KCNQ5: variants seen among roughly 807,000 people sequenced by gnomAD.
The protein encoded by KCNQ5 is potassium voltage-gated channel subfamily KQT member 5.
Under a neutral mutation model 98.2 loss-of-function variants are expected in KCNQ5, and 30 were observed. That is an observed-to-expected ratio of 0.31 (90% confidence interval 0.23 to 0.41). KCNQ5 has a LOEUF of 0.41. Among genes scored for constraint, KCNQ5 ranks in the 10% least tolerant of loss-of-function variants. The pLI, the probability that KCNQ5 is intolerant of heterozygous loss-of-function variation, is 1.00. For missense variants in KCNQ5, 835 were observed against 1,182.5 expected (o/e 0.71, Z 4.31); for synonymous variants, 458 against 449.4 (o/e 1.02, Z -0.24).
chr6:72,702,222 C>A (rs1030746411), intron 1 of KCNQ5, among the ~76,000 whole-genome samples: 1 of 152,100 alleles, frequency 6.6e-6, no homozygotes, highest in African/African-American at 2.4e-5. Flanking sequence ...TTAACATTTA[C>A]AAACAAATGA....
rs568022266 is a variant in KCNQ5, at chr6:72,622,255, A to AGCGGCG, written c.77_82dup (p.Ala26_Ala27dup). The AGCGGCG allele has an allele frequency of 1.3e-5, 17 of 1,265,522 alleles. No individual in the cohort carries two copies. Among genetic ancestry groups the AGCGGCG allele is most frequent in the South Asian group, 1.3e-4 (4 of 31,796 alleles). The allele number at this position is 1,265,522 out of a possible 1,614,324, so 78.4% of individuals were successfully genotyped here. A position where few individuals can be genotyped will look rare whatever the true frequency, so the allele number is the denominator to read the frequency against. ...CCGGGCTCTGGGTGAAGAGCGGCGC[A>AGCGGCG]GCGGCGGCGGCGGCGGGCGGGGGGC... On this transcript the variant is annotated inframe_insertion, in exon 1 of 14. Transcript: ENST00000370398. This position sits in a 1 kb window ranked among gnomAD's most constrained non-coding sequence, Gnocchi z 6.0.
intron 1 of KCNQ5, among the ~76,000 whole-genome samples, chr6:72,870,549 C>A (rs1000010168): frequency 1.3e-5 from 2 of 152,120 alleles, no homozygotes; most frequent in Non-Finnish European, 2.9e-5. Flanking sequence ...CTGCACCCAG[C>A]CGGGTGGCAT....
chr6:73,036,419 G>A (rs576930654), intron 2 of KCNQ5, among the ~76,000 whole-genome samples: 238 of 144,086 alleles, frequency 1.7e-3, no homozygotes, highest in African/African-American at 5.5e-3. Flanking sequence ...AAAAGATATC[G>A]GACAGTTCCA....
intron 1 of KCNQ5, among the ~76,000 whole-genome samples, chr6:72,934,786 A>G (rs1460574271): frequency 1.3e-5 from 2 of 152,154 alleles, no homozygotes; most frequent in African/African-American, 4.8e-5. Flanking sequence ...TCCACTGATC[A>G]ACAATGTCAG....
At chr6:72,653,284 T>C (rs1459769041) in intron 1 of KCNQ5, among the ~76,000 whole-genome samples, 1 of 151,898 alleles carries the variant, frequency 6.6e-6, no homozygotes, top group South Asian at 2.1e-4. Flanking sequence ...ATTCTTTCTT[T>C]CCTGAGTGCT....
At chr6:72,962,592 ACT>A (rs921690128) in intron 1 of KCNQ5, among the ~76,000 whole-genome samples, 3 of 152,152 alleles carry the variant, frequency 2.0e-5, no homozygotes, top group Non-Finnish European at 4.4e-5. Flanking sequence ...GGCAGCTGAA[ACT>A]CTGTTTAGTC....
At chr6:72,642,531 A>G (rs1387600055) in intron 1 of KCNQ5, among the ~76,000 whole-genome samples, 1 of 152,194 alleles carries the variant, frequency 6.6e-6, no homozygotes, top group African/African-American at 2.4e-5. Flanking sequence ...TGATCATTAG[A>G]GAAATGCAAA....
intron 1 of KCNQ5, among the ~76,000 whole-genome samples, chr6:72,849,932 T>C (rs552181297): frequency 6.6e-6 from 1 of 152,312 alleles, no homozygotes; most frequent in South Asian, 2.1e-4. Context: ...AAAATAAATC[T>C]TAAACATTCT....
intron 1 of KCNQ5, among the ~76,000 whole-genome samples, chr6:72,792,527 C>T (rs1408213805): frequency 6.6e-6 from 1 of 152,140 alleles, no homozygotes; most frequent in Non-Finnish European, 1.5e-5. Context: ...AGTCATAAAA[C>T]AGAGCATTTC....
intron 3 of KCNQ5, among the ~76,000 whole-genome samples, chr6:73,056,384 T>C (rs1772493595): frequency 7.0e-6 from 1 of 143,674 alleles, no homozygotes; most frequent in Non-Finnish European, 1.5e-5. Context: ...AGTTTATGTG[T>C]TACATTTACT....
chr6:72,662,976 A>C (rs1326980058), intron 1 of KCNQ5, among the ~76,000 whole-genome samples: 1 of 152,212 alleles, frequency 6.6e-6, no homozygotes, highest in Non-Finnish European at 1.5e-5. Flanking sequence ...GGTCTTCCAG[A>C]AAACTCATTC....
chr6:72,630,693 CATA>C (rs2098920337), intron 1 of KCNQ5: 1 of 152,026 alleles, frequency 6.6e-6, no homozygotes, highest in Admixed American at 6.5e-5. Flanking sequence ...TATATGTGTA[CATA>C]ATGTTTAATA....
At chr6:73,017,226 A>G (rs1339467621) in intron 2 of KCNQ5, among the ~76,000 whole-genome samples, 2 of 152,182 alleles carry the variant, frequency 1.3e-5, no homozygotes, top group African/African-American at 4.8e-5. Context: ...TGATTCCAGA[A>G]GAAAATAACC....
chr6:72,651,546 T>G (rs373325021), intron 1 of KCNQ5, among the ~76,000 whole-genome samples: 1 of 152,098 alleles, frequency 6.6e-6, no homozygotes, highest in Non-Finnish European at 1.5e-5. Flanking sequence ...AGTATACTTG[T>G]TAAATTGTTG....
At chr6:72,910,103 T>A (rs1779868230) in intron 1 of KCNQ5, among the ~76,000 whole-genome samples, 1 of 152,162 alleles carries the variant, frequency 6.6e-6, no homozygotes, top group Non-Finnish European at 1.5e-5. Context: ...AATTGCACGG[T>A]TACAAACACA....
chr6:72,851,758 A>G (rs1469963553), intron 1 of KCNQ5, among the ~76,000 whole-genome samples: 1 of 151,160 alleles, frequency 6.6e-6, no homozygotes, highest in African/African-American at 2.5e-5. Flanking sequence ...GAAATTACCT[A>G]TACTTATTAA....
intron 1 of KCNQ5, among the ~76,000 whole-genome samples, chr6:72,990,594 C>T (rs1362000504): frequency 3.2e-5 from 4 of 125,348 alleles, no homozygotes; most frequent in African/African-American, 9.4e-5. Context: ...ACAATCATGT[C>T]GTCTGCAAAC....
At chr6:72,957,216 G>A (rs1767125777) in intron 1 of KCNQ5, among the ~76,000 whole-genome samples, 1 of 149,972 alleles carries the variant, frequency 6.7e-6, no homozygotes, top group Non-Finnish European at 1.5e-5. Flanking sequence ...CGTTGCCCAG[G>A]CTGGAGTGCA....
intron 3 of KCNQ5, among the ~76,000 whole-genome samples, chr6:73,063,707 G>GATAA (rs1399840103): frequency 8.1e-6 from 1 of 124,200 alleles, no homozygotes; most frequent in Non-Finnish European, 1.7e-5. Context: ...TAGATAGATA[G>GATAA]ATAGATAGAT....
Sources: gnomAD v4.1 joint callset for allele counts (sites outside exome capture counted in the v4.1 genomes callset) on GRCh38, gnomAD v4.1.1 for gene constraint, Gnocchi (gnomAD v3.1) non-coding constraint, MANE v1.5 for transcripts, NCBI Gene and HGNC (gene_info 2026-07-23, HGNC 2026-07-21) for gene names.